The following THSD7A variants were observed in gnomAD, a reference collection of about 807,000 sequenced individuals.
The protein encoded by THSD7A is thrombospondin type 1 domain containing 7A.
THSD7A carries 96 observed loss-of-function variants against 231.3 expected under a neutral mutation model. The observed-to-expected ratio is 0.41, with a 90% CI of 0.35 to 0.49. THSD7A has a LOEUF of 0.49. Among genes scored for constraint, THSD7A ranks in the 20% least tolerant of loss-of-function variants. The probability of loss-of-function intolerance (pLI) is 0.05; values close to 1 mark genes in which losing one functional copy is unlikely to be tolerated. For synonymous variants in THSD7A, 940 were observed against 743.3 expected (o/e 1.26, Z -4.30); for missense variants, 2,290 against 2,070.2 (o/e 1.11, Z -2.06).
Position 11,460,673 on chromosome 7 carries a change from C to A in THSD7A, c.2594G>T (p.Arg865Leu). ...ATGGGGCCTCCCACCTCTTGCCTGT[C>A]GCCCAGGCCCACAGCCTTCCTGTGC... The part of the protein sequence containing the change: ...PGAQEGCGPG[R>L]QARAITCRKQ... Residue 865 changes from arginine to leucine, a missense_variant, in exon 11 of 28, where the codon CGA becomes CTA. By Grantham distance (102) the Arg-to-Leu change is moderately radical. Transcript: ENST00000423059. The A allele has an allele frequency of 6.2e-7, 1 of 1,609,162 alleles. No individual in the cohort carries two copies. The highest frequency in any genetic ancestry group is 8.5e-7 in the Non-Finnish European group (1 of 1,177,790).
chr7:11,405,572 T>G (rs1783555181), intron 22 of THSD7A, among the ~76,000 whole-genome samples: 1 of 152,174 alleles, frequency 6.6e-6, no homozygotes. Flanking sequence ...ATTTTGACAT[T>G]AAATTTCCTC....
intron 4 of THSD7A, among the ~76,000 whole-genome samples, chr7:11,579,529 G>C (rs1284319586): frequency 6.6e-6 from 1 of 152,170 alleles, no homozygotes; most frequent in Non-Finnish European, 1.5e-5. Flanking sequence ...CAGGTTAGAT[G>C]ACATTTTATC....
At chr7:11,753,592 T>C (rs1782577595) in intron 1 of THSD7A, among the ~76,000 whole-genome samples, 1 of 151,200 alleles carries the variant, frequency 6.6e-6, no homozygotes, top group Non-Finnish European at 1.5e-5. Context: ...TGGCTGTAAC[T>C]ACTGCCCCTA....
chr7:11,543,625 TG>T (rs1277538415), intron 4 of THSD7A, among the ~76,000 whole-genome samples: 5 of 152,204 alleles, frequency 3.3e-5, no homozygotes, highest in African/African-American at 1.2e-4. Flanking sequence ...GGATCTCAAA[TG>T]GGGGCTACTC....
At chr7:11,414,496 C>CTAT (rs1783894619) in intron 17 of THSD7A, among the ~76,000 whole-genome samples, 1 of 152,286 alleles carries the variant, frequency 6.6e-6, no homozygotes, top group Admixed American at 6.5e-5. Context: ...CTAGAAGTGT[C>CTAT]TATTTCTGGC....
At chr7:11,823,545 C>T (rs1022158466) in intron 1 of THSD7A, among the ~76,000 whole-genome samples, 3 of 151,964 alleles carry the variant, frequency 2.0e-5, no homozygotes, top group African/African-American at 7.2e-5. Flanking sequence ...TTTCTTTGGG[C>T]AGAACGGTCA....
intron 10 of THSD7A, 133 bp from the exon 11 acceptor site, chr7:11,460,898 T>C (rs2128298205): frequency 1.5e-6 from 1 of 647,142 alleles, no homozygotes; most frequent in Non-Finnish European, 2.7e-6. Flanking sequence ...TCTATCTAAA[T>C]TTAATTTAGA....
chr7:11,804,845 A>G (rs2128182570), intron 1 of THSD7A, among the ~76,000 whole-genome samples: 1 of 152,298 alleles, frequency 6.6e-6, no homozygotes, highest in Non-Finnish European at 1.5e-5. Context: ...GTGCAGGCCT[A>G]GCCCCGCTTG....
chr7:11,703,036 A>G (rs535832123), intron 1 of THSD7A, among the ~76,000 whole-genome samples: 3 of 151,330 alleles, frequency 2.0e-5, no homozygotes, highest in African/African-American at 7.2e-5. Context: ...CTGAGGCAAC[A>G]TGCTCAAAGC....
rs189067449 is a variant in THSD7A, at chr7:11,815,824, T to C, written c.190+15933A>G. Among the ~76,000 whole-genome samples the C allele has an allele frequency of 2.2e-3, 328 of 152,266 alleles. 2 individuals are homozygous for C. The highest frequency in any genetic ancestry group is 7.4e-3 in the African/African-American group (308 of 41,570). ...AACTTATTATTATGAAAAGACTGTGTCATCCATCCATTCCCTTCTTCTCCA... is the reference window on the plus strand; with the variant it reads ...AACTTATTATTATGAAAAGACTGTGCCATCCATCCATTCCCTTCTTCTCCA... On this transcript the variant is annotated intron_variant, in intron 1 of 27. Coordinates refer to ENST00000423059, the MANE Select transcript of THSD7A (RefSeq NM_015204.3).
chr7:11,678,364 T>C (rs1397793166), intron 1 of THSD7A, among the ~76,000 whole-genome samples: 1 of 151,772 alleles, frequency 6.6e-6, no homozygotes, highest in African/African-American at 2.4e-5. Context: ...CTGAAGGAGA[T>C]AGAGACACAA....
At chr7:11,529,187 G>T (rs568721612) in intron 6 of THSD7A, among the ~76,000 whole-genome samples, 1 of 152,156 alleles carries the variant, frequency 6.6e-6, no homozygotes, top group South Asian at 2.1e-4. Context: ...CTATTCAAAA[G>T]ATATTAGCTC....
chr7:11,674,188 G>T (rs959068305), intron 1 of THSD7A, among the ~76,000 whole-genome samples: 3 of 152,046 alleles, frequency 2.0e-5, no homozygotes, highest in African/African-American at 7.2e-5. Flanking sequence ...CCTGGGTACA[G>T]CTCTAGTCAC....
At chr7:11,394,650 T>C (rs142000185) in intron 23 of THSD7A, among the ~76,000 whole-genome samples, 1 of 152,312 alleles carries the variant, frequency 6.6e-6, no homozygotes, top group Admixed American at 6.5e-5. Context: ...AGGGGAACAA[T>C]AAATGTTAGT....
chr7:11,583,246 A>G (rs1791245727), intron 4 of THSD7A, among the ~76,000 whole-genome samples: 1 of 151,822 alleles, frequency 6.6e-6, no homozygotes, highest in South Asian at 2.1e-4. Flanking sequence ...TTAAATCTTT[A>G]ATAAGTTTTT....
chr7:11,799,034 C>T (rs777025304), intron 1 of THSD7A, among the ~76,000 whole-genome samples: 6 of 151,818 alleles, frequency 4.0e-5, no homozygotes, highest in African/African-American at 4.8e-5. Context: ...GTGATTCTCC[C>T]GCTTCAGACT....
intron 7 of THSD7A, among the ~76,000 whole-genome samples, chr7:11,475,348 G>A (rs536052224): frequency 2.6e-5 from 4 of 152,058 alleles, no homozygotes; most frequent in African/African-American, 7.2e-5. Flanking sequence ...CATTAGCTGT[G>A]GGGTACTTCA....
At chr7:11,451,581 A>T (rs1785144952) in intron 11 of THSD7A, among the ~76,000 whole-genome samples, 1 of 152,006 alleles carries the variant, frequency 6.6e-6, no homozygotes, top group Non-Finnish European at 1.5e-5. Flanking sequence ...AGTTTAAATT[A>T]AAAAGATTAG....
At chr7:11,807,361 T>G (rs1314284031) in intron 1 of THSD7A, among the ~76,000 whole-genome samples, 1 of 152,132 alleles carries the variant, frequency 6.6e-6, no homozygotes, top group Non-Finnish European at 1.5e-5. Flanking sequence ...CTGAAGTAAG[T>G]GTTTGAGAAA....
Sources: allele counts gnomAD v4.1 joint callset (sites outside exome capture counted in the v4.1 genomes callset), GRCh38; gene constraint gnomAD v4.1.1; transcripts MANE v1.5; gene names NCBI Gene and HGNC (gene_info 2026-07-23, HGNC 2026-07-21).